Variants in DIPK1A observed in about 807,000 individuals in gnomAD.
The protein encoded by DIPK1A is divergent protein kinase domain 1A, also known as family with sequence similarity 69 member A.
A neutral mutation model predicts 40.8 loss-of-function variants in DIPK1A; 27 were observed. The observed-to-expected ratio is 0.66, with a 90% CI of 0.49 to 0.91. The LOEUF (loss-of-function observed/expected upper bound fraction) is 0.91, where lower values mean the gene tolerates loss of function less well. DIPK1A is among the 40% of genes least tolerant of loss of function. The probability of loss-of-function intolerance (pLI) is 0.00; values close to 1 mark genes in which losing one functional copy is unlikely to be tolerated. For synonymous variants in DIPK1A, 166 were observed against 171.3 expected (o/e 0.97, Z 0.24); for missense variants, 412 against 505.7 (o/e 0.81, Z 1.78).
intron 1 of DIPK1A, among the ~76,000 whole-genome samples, chr1:92,891,283 T>C (rs971656264): frequency 6.6e-6 from 1 of 152,088 alleles, no homozygotes; most frequent in African/African-American, 2.4e-5. Context: ...TTCATTTCAT[T>C]GATCTTTTGT....
At chr1:92,958,900 A>G (rs1651948812) in intron 1 of DIPK1A, among the ~76,000 whole-genome samples, 1 of 152,216 alleles carries the variant, frequency 6.6e-6, no homozygotes, top group African/African-American at 2.4e-5. Flanking sequence ...TGATAATGGT[A>G]TTATGATTAT....
Position 92,843,230 on chromosome 1 carries a change from A to G in DIPK1A, c.*153T>C. 1 of 1,419,432 alleles carries G rather than the reference A, an allele frequency of 7.0e-7. No homozygotes were observed. Among genetic ancestry groups the G allele is most frequent in the Non-Finnish European group, 9.2e-7 (1 of 1,085,902 alleles). 87.9% of individuals were successfully genotyped at this position (1,419,432 alleles called of 1,614,324 possible). The stretch of plus-strand genomic sequence containing the variant: ...GGGACCTGTTGATCCTACACCTGCC[A>G]TTACTTCAGTGATCACATACTGATG... On this transcript the variant is annotated 3_prime_UTR_variant, in exon 5 of 5. Transcript: ENST00000370310.
At chr1:92,920,186 C>T (rs4130290) in intron 1 of DIPK1A, among the ~76,000 whole-genome samples, 3,188 of 152,218 alleles carry the variant, frequency 0.021, 80 homozygotes, top group African/African-American at 0.058. Context: ...GTGTCATCAC[C>T]CAAATCTCAC....
intron 1 of DIPK1A, among the ~76,000 whole-genome samples, chr1:92,917,574 G>C (rs1003320923): frequency 6.6e-6 from 1 of 152,128 alleles, no homozygotes; most frequent in South Asian, 2.1e-4. Flanking sequence ...AAAGTGAAAG[G>C]TTCCCCCATT....
At position 92,891,127 on chromosome 1, in the gene DIPK1A, C is replaced by T. The variant is rs551238525; in HGVS notation, c.55-14697G>A. ...TGCAGTTCTTCATGATACAAAGTCT[C>T]TAATGATACTCTGTATTTCTGTGTT... On this transcript the variant is annotated intron_variant, in intron 1 of 4. Coordinates refer to ENST00000370310, the MANE Select transcript of DIPK1A (RefSeq NM_001006605.5). Among the ~76,000 whole-genome samples, 4 of 152,228 alleles carry T rather than the reference C, an allele frequency of 2.6e-5. No homozygotes were observed. The South Asian group carries it at 8.3e-4, about 32-fold the overall frequency.
chr1:92,843,800 GA>G lies in DIPK1A; in HGVS notation c.869del (p.Phe290SerfsTer11). 6.4e-7 allele frequency: 1 copy of G among 1,551,896 alleles called. No individual in the cohort carries two copies. Among genetic ancestry groups the G allele is most frequent in the Non-Finnish European group, 8.7e-7 (1 of 1,147,040 alleles). On this transcript the variant is annotated frameshift_variant, in exon 5 of 5. Coordinates refer to ENST00000370310, the MANE Select transcript of DIPK1A (RefSeq NM_001006605.5). LOFTEE classifies it high-confidence loss of function. ...EDVFHGPYGNFLMCDTSAKNL... is the reference protein window; with the variant it reads ...EDVFHGPYGNXLMCDTSAKNL... The stretch of plus-strand genomic sequence containing the variant: ...TTTTGGCACTAGTATCGCACATGAG[GA>G]AATTTCCGTAGGGGCCATGGAAAAC...
chr1:92,922,413 G>C (rs1650305502), intron 1 of DIPK1A, among the ~76,000 whole-genome samples: 2 of 151,626 alleles, frequency 1.3e-5, no homozygotes, highest in Non-Finnish European at 2.9e-5. Flanking sequence ...CTCAGGGAGA[G>C]GGTTTTCCAG....
intron 2 of DIPK1A, among the ~76,000 whole-genome samples, chr1:92,853,038 T>A (rs1474275146): frequency 6.6e-6 from 1 of 152,066 alleles, no homozygotes; most frequent in Non-Finnish European, 1.5e-5. Flanking sequence ...TGAGACCCTG[T>A]CTTAAACAAA....
intron 1 of DIPK1A, among the ~76,000 whole-genome samples, chr1:92,907,880 T>C (rs565958001): frequency 6.6e-6 from 1 of 152,254 alleles, no homozygotes; most frequent in South Asian, 2.1e-4. Flanking sequence ...AATATATATT[T>C]TTTTGAGACA....
At chr1:92,944,449 T>C (rs1216345129) in intron 1 of DIPK1A, among the ~76,000 whole-genome samples, 1 of 152,188 alleles carries the variant, frequency 6.6e-6, no homozygotes, top group African/African-American at 2.4e-5. Context: ...ACAGAGATCC[T>C]GAACAGGAAA....
chr1:92,840,163 A>G (rs191561808), downstream of DIPK1A: 15 of 256,266 alleles, frequency 5.9e-5, no homozygotes, highest in East Asian at 1.1e-4. Context: ...GCCACCATTA[A>G]TAATTGCCAC....
At chr1:92,841,471 G>C (rs1203306205), downstream of DIPK1A, among the ~76,000 whole-genome samples, 2 of 152,088 alleles carry the variant, frequency 1.3e-5, no homozygotes, top group African/African-American at 2.4e-5. Flanking sequence ...CCACTCTCTT[G>C]GACAAACTGA....
chr1:92,902,562 T>C (rs542265330), intron 1 of DIPK1A, among the ~76,000 whole-genome samples: 2 of 152,320 alleles, frequency 1.3e-5, no homozygotes, highest in South Asian at 2.1e-4. Context: ...ATGTGGACTC[T>C]AGGTGGCTCC....
chr1:92,884,631 T>G (rs2100790291), intron 1 of DIPK1A, among the ~76,000 whole-genome samples: 1 of 152,262 alleles, frequency 6.6e-6, no homozygotes, highest in Non-Finnish European at 1.5e-5. Flanking sequence ...CCACATTGGA[T>G]CTAGTGCTTA....
chr1:92,902,904 G>GCTT (rs1557477859), intron 1 of DIPK1A, among the ~76,000 whole-genome samples: 1 of 152,166 alleles, frequency 6.6e-6, no homozygotes. Context: ...ACCACGAGGG[G>GCTT]CTTCTAGTCG....
chr1:92,903,379 A>G (rs1476667848), intron 1 of DIPK1A, among the ~76,000 whole-genome samples: 1 of 152,228 alleles, frequency 6.6e-6, no homozygotes, highest in Non-Finnish European at 1.5e-5. Flanking sequence ...TGCTTGTAAC[A>G]ATTAGCATTC....
At chr1:92,845,830 G>C (rs764331589) in intron 4 of DIPK1A, among the ~76,000 whole-genome samples, 2 of 100,658 alleles carry the variant, frequency 2.0e-5, no homozygotes, top group Admixed American at 2.2e-4. Context: ...GCGAGACTCC[G>C]TCTAAAAAAA....
At chr1:92,832,950 T>C (rs1686967078) in exon 5 of DIPK1A, 1 of 712,524 alleles carries the variant, frequency 1.4e-6, no homozygotes, top group Non-Finnish European at 2.6e-6. Context: ...ACATAGCGTG[T>C]TCCGAACAAA....
chr1:92,842,687 G>C lies in DIPK1A; in HGVS notation c.*696C>G, dbSNP rs1331800139. The C allele has an allele frequency of 6.1e-6, 6 of 985,280 alleles. No homozygotes were observed. Among genetic ancestry groups the C allele is most frequent in the Non-Finnish European group, 7.2e-6 (6 of 829,952 alleles). 61.0% of individuals were successfully genotyped at this position (985,280 alleles called of 1,614,324 possible). ...GGCCTTAAGATGTCAGTTTTGAAGG[G>C]CTCAGTCAGCTGCGTGATACTAAGA... On this transcript the variant is annotated 3_prime_UTR_variant, in exon 5 of 5. Transcript: ENST00000370310.
Sources: gnomAD v4.1 joint callset for allele counts (sites outside exome capture counted in the v4.1 genomes callset) on GRCh38, gnomAD v4.1.1 for gene constraint, MANE v1.5 for transcripts, NCBI Gene and HGNC (gene_info 2026-07-23, HGNC 2026-07-21) for gene names.